The following TSEN2 variants were observed in gnomAD, a reference collection of about 807,000 sequenced individuals.
TSEN2 encodes the protein tRNA-splicing endonuclease subunit Sen2.
A neutral mutation model predicts 59.2 loss-of-function variants in TSEN2; 54 were observed. That is an observed-to-expected ratio of 0.91 (90% CI 0.73 to 1.14). The LOEUF (loss-of-function observed/expected upper bound fraction) is 1.14, where lower values mean the gene tolerates loss of function less well. Among genes scored for constraint, TSEN2 ranks in the 50% most tolerant of loss-of-function variants. The probability of loss-of-function intolerance (pLI) is 0.00; values close to 1 mark genes in which losing one functional copy is unlikely to be tolerated. For missense variants in TSEN2, 636 were observed against 576.2 expected, an observed-to-expected ratio of 1.10 and a Z score of -1.06; for synonymous variants, 195 against 198.2, an observed-to-expected ratio of 0.98 and a Z score of 0.14.
chr3:12,496,909 A>T (rs2053804524), intron 4 of TSEN2, among the ~76,000 whole-genome samples: 1 of 152,018 alleles, frequency 6.6e-6, no homozygotes, highest in African/African-American at 2.4e-5. Context: ...CTCCAGCTAC[A>T]CTGTAGGGTC....
rs57581024 is a variant in TSEN2 at position 12,513,806 on chromosome 3, G to A, written c.910-2805G>A. On this transcript the variant is annotated intron_variant, in intron 6 of 11. Coordinates refer to ENST00000284995, the MANE Select transcript of TSEN2 (RefSeq NM_025265.4). The stretch of plus-strand genomic sequence containing the variant: ...AGTAGTGAGTGATGGAAAGAGAAAA[G>A]GTCAAAATAAGATTGTGGGCCACTT... 3.2e-3 allele frequency among the ~76,000 whole-genome samples: 482 copies of A among 152,336 alleles called. 3 individuals carry two copies. Among genetic ancestry groups the A allele is most frequent in the African/African-American group, 0.011 (452 of 41,580 alleles).
chr3:12,529,041 G>A (rs2057291810), intron 9 of TSEN2, 117 bp downstream of exon 9: 4 of 986,072 alleles, frequency 4.1e-6, no homozygotes, highest in Non-Finnish European at 3.3e-6. Context: ...GGCCTGATAC[G>A]AATAGATGCT....
intron 4 of TSEN2, among the ~76,000 whole-genome samples, chr3:12,497,384 G>A (rs1292652680): frequency 6.6e-6 from 1 of 152,188 alleles, no homozygotes; most frequent in Non-Finnish European, 1.5e-5. Flanking sequence ...GCAAAATCTG[G>A]CAGCTCCTTT....
chr3:12,482,226 A>G (rs1317763564), upstream of TSEN2, among the ~76,000 whole-genome samples: 1 of 152,116 alleles, frequency 6.6e-6, no homozygotes, highest in Non-Finnish European at 1.5e-5. Context: ...GGTTCAAGCA[A>G]TTCTCTTGCC....
At chr3:12,502,689 GTT>G (rs11426170) in intron 4 of TSEN2, among the ~76,000 whole-genome samples, 3 of 105,846 alleles carry the variant, frequency 2.8e-5, no homozygotes, top group African/African-American at 9.6e-5. Flanking sequence ...TTTTTTTTTT[GTT>G]TTTTTTTTTT....
chr3:12,530,306 T>C (rs2057381249), intron 10 of TSEN2: 1 of 991,484 alleles, frequency 1.0e-6, no homozygotes, highest in African/African-American at 1.7e-5. Context: ...GCTAAGCACT[T>C]TCCCACCCTG....
chr3:12,529,796 T>C lies in TSEN2; in HGVS notation c.1171T>C (p.Phe391Leu), dbSNP rs766011556. Residue 391 changes from phenylalanine to leucine, a missense_variant, in exon 10 of 12, where the codon TTT becomes CTT. Transcript: ENST00000284995. ...SVIIELVDDH[F>L]EGSLRRPLSW... ...CATTATCGAGCTAGTTGATGACCATTTTGAAGGCTCTCTCCGCAGGCCTCT... is the reference window on the plus strand; with the variant it reads ...CATTATCGAGCTAGTTGATGACCATCTTGAAGGCTCTCTCCGCAGGCCTCT... 3.7e-6 allele frequency: 6 copies of C among 1,614,172 alleles called. No individual in the cohort carries two copies. The South Asian group carries it at 5.5e-5, about 15-fold the overall frequency.
downstream of TSEN2, among the ~76,000 whole-genome samples, chr3:12,534,988 A>C (rs769288251): frequency 3.9e-5 from 6 of 151,902 alleles, no homozygotes; most frequent in Admixed American, 6.6e-5. Flanking sequence ...AACAAAAAAA[A>C]CCTGAAGTTT....
chr3:12,517,114 G>A (rs932789372), intron 7 of TSEN2, among the ~76,000 whole-genome samples: 4 of 152,100 alleles, frequency 2.6e-5, no homozygotes, highest in African/African-American at 7.2e-5. Flanking sequence ...CTGGGGGGCC[G>A]AGGCGGGCAG....
chr3:12,536,197 G>C (rs532327357), downstream of TSEN2, among the ~76,000 whole-genome samples: 2 of 152,314 alleles, frequency 1.3e-5, no homozygotes, highest in African/African-American at 4.8e-5. Context: ...TGGGAGGAGA[G>C]GCAATACTGT....
intron 8 of TSEN2, among the ~76,000 whole-genome samples, chr3:12,524,757 T>TTC (rs1553602172): frequency 1.3e-5 from 2 of 150,910 alleles, no homozygotes; most frequent in African/African-American, 4.9e-5. Flanking sequence ...TTTTTTTTTT[T>TTC]CTTGAAACAG....
chr3:12,509,198 T>G (rs987317711), intron 6 of TSEN2, among the ~76,000 whole-genome samples: 14 of 127,556 alleles, frequency 1.1e-4, no homozygotes, highest in Non-Finnish European at 1.9e-4. Context: ...TTTGGTTTTT[T>G]TTGTTGTTGT....
At position 12,503,567 on chromosome 3, in the gene TSEN2, G is replaced by A; in HGVS notation, c.614G>A (p.Ser205Asn). Residue 205 changes from serine (S) to asparagine (N), a missense_variant, in exon 5 of 12, where the codon AGC becomes AAC. Physicochemically the swap from Ser to Asn is conservative, Grantham distance 46. Coordinates refer to ENST00000284995, the MANE Select transcript of TSEN2 (RefSeq NM_025265.4). The stretch of plus-strand genomic sequence containing the variant: ...TCTGGCTGCCACCCAACAACAGAGA[G>A]CTTTGAGAAAAGCGTGCGAGAGGAT... ...EGSGCHPTTESFEKSVREDAS... is the reference protein window; with the variant it reads ...EGSGCHPTTENFEKSVREDAS... 6.2e-7 allele frequency: 1 copy of A among 1,607,274 alleles called. No individual in the cohort carries two copies. Among genetic ancestry groups the A allele is most frequent in the Non-Finnish European group, 8.5e-7 (1 of 1,175,132 alleles).
At chr3:12,517,669 C>G (rs944901288) in intron 7 of TSEN2, among the ~76,000 whole-genome samples, 3 of 152,220 alleles carry the variant, frequency 2.0e-5, no homozygotes, top group African/African-American at 7.2e-5. Context: ...AAATACCGTT[C>G]ATGGGTATTC....
chr3:12,486,440 C>T (rs1417689522), intron 1 of TSEN2, among the ~76,000 whole-genome samples: 1 of 152,238 alleles, frequency 6.6e-6, no homozygotes, highest in African/African-American at 2.4e-5. Context: ...TCTACCTTCC[C>T]TGAGGGTTTC....
intron 7 of TSEN2, 70 bp downstream of exon 7, chr3:12,516,731 C>G (rs1005023715): frequency 6.7e-6 from 9 of 1,352,752 alleles, no homozygotes; most frequent in South Asian, 5.9e-5. Context: ...GTACTAATTT[C>G]TATATTGCAT....
chr3:12,501,329 A>G (rs1284548397), intron 4 of TSEN2, among the ~76,000 whole-genome samples: 1 of 152,226 alleles, frequency 6.6e-6, no homozygotes, highest in African/African-American at 2.4e-5. Flanking sequence ...GTTATAAGTA[A>G]CAGGGCTGGA....
intron 6 of TSEN2, chr3:12,506,866 C>T: frequency 6.1e-6 from 6 of 985,266 alleles, no homozygotes; most frequent in Non-Finnish European, 6.0e-6. Flanking sequence ...TGGAACACAT[C>T]CATGTTGGTA....
At chr3:12,503,892 C>G (rs1353893163) in intron 5 of TSEN2, 108 bp downstream of exon 5, 1 of 1,422,778 alleles carries the variant, frequency 7.0e-7, no homozygotes, top group Admixed American at 2.0e-5. Flanking sequence ...GTTGTAGGGT[C>G]CAAGGGAAGC....
Sources: allele counts gnomAD v4.1 joint callset (sites outside exome capture counted in the v4.1 genomes callset), GRCh38; gene constraint gnomAD v4.1.1; transcripts MANE v1.5; gene names NCBI Gene and HGNC (gene_info 2026-07-23, HGNC 2026-07-21).